The following NAV3 variants were observed in gnomAD, a reference collection of about 807,000 sequenced individuals.
NAV3 encodes the protein neuron navigator 3.
NAV3 carries 87 observed loss-of-function variants against 244.7 expected under a neutral mutation model. That is an observed-to-expected ratio of 0.36 (90% CI 0.30 to 0.42). NAV3 has a LOEUF of 0.42. NAV3 is among the 20% of genes least tolerant of loss of function. The pLI is 1.00. For missense variants in NAV3, 2,663 were observed against 2,893.3 expected (o/e 0.92, Z 1.83); for synonymous variants, 1,126 against 1,042.2 (o/e 1.08, Z -1.55).
intron 2 of NAV3, among the ~76,000 whole-genome samples, chr12:77,809,127 G>T (rs528636091): frequency 2.4e-4 from 37 of 152,332 alleles, no homozygotes; most frequent in African/African-American, 8.7e-4. Flanking sequence ...GATGGGATCT[G>T]CTGAGCTAGA....
At chr12:78,061,551 C>T (rs564355409) in intron 12 of NAV3, among the ~76,000 whole-genome samples, 1 of 152,086 alleles carries the variant, frequency 6.6e-6, no homozygotes, top group Non-Finnish European at 1.5e-5. Context: ...ATAAATCCTC[C>T]TATTAGCAGA....
At chr12:78,000,572 C>T (rs1459583415) in intron 7 of NAV3, among the ~76,000 whole-genome samples, 2 of 133,472 alleles carry the variant, frequency 1.5e-5, no homozygotes, top group African/African-American at 2.8e-5. Context: ...GGCGCGATCT[C>T]GGCTCACTGC....
chr12:78,089,672 T>C (rs1953820648), intron 12 of NAV3, among the ~76,000 whole-genome samples: 1 of 152,128 alleles, frequency 6.6e-6, no homozygotes, highest in Admixed American at 6.6e-5. Flanking sequence ...GAACTCAAGG[T>C]ATGATGAGAT....
At position 78,148,115 on chromosome 12, in the gene NAV3, T is replaced by C. The variant is rs545299892; in HGVS notation, c.4708-727T>C. Among the ~76,000 whole-genome samples, 9 of 152,206 alleles carry C rather than the reference T, an allele frequency of 5.9e-5. No homozygotes were observed. In the East Asian group the frequency reaches 1.5e-3, roughly 26 times the overall value. ...CTAAAAAGAAAGATACCTTAGAATA[T>C]ACATTATATTGGTTTATCTAATTAG... is the stretch of plus-strand genomic sequence containing the variant. On this transcript the variant is annotated intron_variant, in intron 21 of 39. Coordinates refer to ENST00000397909, the MANE Select transcript of NAV3 (RefSeq NM_001024383.2).
In NAV3 at chr12:77,994,249, T is replaced by A. The variant is rs1330366838; in HGVS notation, c.672-554T>A. On this transcript the variant is annotated intron_variant, in intron 5 of 39. Transcript: ENST00000397909. ...CAAGACAAAACATCTTTTATTGACT[T>A]CCTTGAAAACAATTTAGTACTAGAG... Among the ~76,000 whole-genome samples, 6 of 152,362 alleles carry A rather than the reference T, an allele frequency of 3.9e-5. No individual in the cohort carries two copies. The East Asian group carries it at 5.8e-4, about 15-fold the overall frequency.
At chr12:77,938,275 A>C (rs965710212) in intron 1 of NAV3, among the ~76,000 whole-genome samples, 2 of 152,210 alleles carry the variant, frequency 1.3e-5, no homozygotes, top group African/African-American at 4.8e-5. Context: ...AAAATGTATG[A>C]TCATACAAAT....
chr12:77,823,141 A>G (rs1872816220), intron 2 of NAV3, among the ~76,000 whole-genome samples: 1 of 152,208 alleles, frequency 6.6e-6, no homozygotes, highest in African/African-American at 2.4e-5. Context: ...CAGAGTAGAG[A>G]TGGAGAACCC....
intron 2 of NAV3, among the ~76,000 whole-genome samples, chr12:77,678,179 A>G (rs1220564615): frequency 3.3e-5 from 5 of 152,182 alleles, no homozygotes; most frequent in African/African-American, 1.2e-4. Flanking sequence ...ACATGGACAA[A>G]TGGAAGTGGT....
At position 77,873,149 on chromosome 12, in the gene NAV3, T is replaced by C. The variant is rs182673226; in HGVS notation, c.243+41445T>C. Among the ~76,000 whole-genome samples, 211 of 152,326 alleles carry C rather than the reference T, an allele frequency of 1.4e-3. 1 individual carries two copies. The highest frequency in any genetic ancestry group is 0.014 in the Middle Eastern group (4 of 294). ...TATACACTTTATTCCTTCTTCACCT[T>C]CCACCATGATTGTGAGGCCTCTCCA... On this transcript the variant is annotated intron_variant, in intron 1 of 39. Coordinates refer to ENST00000397909, the MANE Select transcript of NAV3 (RefSeq NM_001024383.2).
At chr12:77,911,864 AT>A (rs150834060) in intron 1 of NAV3, among the ~76,000 whole-genome samples, 16,776 of 151,880 alleles carry the variant, frequency 0.11, 1,068 homozygotes, top group South Asian at 0.2. Context: ...CTGATCATAT[AT>A]TTTTTTTAAC....
At chr12:77,609,383 C>T (rs1870810686) in intron 2 of NAV3, among the ~76,000 whole-genome samples, 1 of 152,004 alleles carries the variant, frequency 6.6e-6, no homozygotes, top group Non-Finnish European at 1.5e-5. Context: ...GAATTTTTTT[C>T]TATGGATTAA....
chr12:77,839,576 T>G (rs933295075), intron 1 of NAV3, among the ~76,000 whole-genome samples: 1 of 152,196 alleles, frequency 6.6e-6, no homozygotes, highest in Non-Finnish European at 1.5e-5. Context: ...TTGTGAAGAT[T>G]AGAAGAGATA....
chr12:77,712,675 A>T (rs1876178123), intron 2 of NAV3, among the ~76,000 whole-genome samples: 1 of 152,162 alleles, frequency 6.6e-6, no homozygotes, highest in African/African-American at 2.4e-5. Flanking sequence ...GTCCCCAACT[A>T]TTGATTTTTC....
intron 2 of NAV3, among the ~76,000 whole-genome samples, chr12:77,751,619 C>T (rs1236192763): frequency 6.6e-6 from 1 of 152,134 alleles, no homozygotes; most frequent in Non-Finnish European, 1.5e-5. Flanking sequence ...TGAGGCCCCC[C>T]CAGCCATGCC....
intron 3 of NAV3, among the ~76,000 whole-genome samples, chr12:77,956,230 T>C (rs1891345946): frequency 6.6e-6 from 1 of 152,206 alleles, no homozygotes; most frequent in African/African-American, 2.4e-5. Context: ...TATTTTTTAA[T>C]TGAAAATTTA....
chr12:77,621,475 CTCT>C (rs762903365), intron 2 of NAV3, among the ~76,000 whole-genome samples: 2 of 142,066 alleles, frequency 1.4e-5, no homozygotes, highest in African/African-American at 2.8e-5. Context: ...TTTTTCTCTT[CTCT>C]TTTTTTTTTT....
chr12:77,781,396 A>T (rs1281615657), intron 2 of NAV3, among the ~76,000 whole-genome samples: 1 of 152,196 alleles, frequency 6.6e-6, no homozygotes, highest in Non-Finnish European at 1.5e-5. Flanking sequence ...CATCTGCATG[A>T]TAAAACCTTA....
In NAV3 at chr12:77,934,537, T is replaced by C. The variant is rs573985505; in HGVS notation, c.244-5782T>C. Among the ~76,000 whole-genome samples, 215 of 152,326 alleles carry C rather than the reference T, an allele frequency of 1.4e-3. 2 individuals are homozygous for C. The highest frequency in any genetic ancestry group is 5.0e-3 in the African/African-American group (206 of 41,580). ...CTTAAATCTGTTCTAGGGCTCCTTT[T>C]CCTTCCAATTCTCTTCCCTATACTA... is the stretch of plus-strand genomic sequence containing the variant. On this transcript the variant is annotated intron_variant, in intron 1 of 39. Transcript: ENST00000397909.
At chr12:77,637,658 AG>A (rs1199130352) in intron 2 of NAV3, among the ~76,000 whole-genome samples, 1 of 152,214 alleles carries the variant, frequency 6.6e-6, no homozygotes, top group African/African-American at 2.4e-5. Context: ...ATAGCTAGCA[AG>A]TACAGCTTTT....
Sources: allele counts gnomAD v4.1 joint callset (sites outside exome capture counted in the v4.1 genomes callset), GRCh38; gene constraint gnomAD v4.1.1; transcripts MANE v1.5; gene names NCBI Gene and HGNC (gene_info 2026-07-23, HGNC 2026-07-21).